SLC6A17: variants seen among roughly 807,000 people sequenced by gnomAD.
SLC6A17 encodes solute carrier family 6 member 17.
SLC6A17 carries 21 observed loss-of-function variants against 64.5 expected under a neutral mutation model. The observed-to-expected ratio is 0.33, with a 90% CI of 0.23 to 0.47. SLC6A17 has a LOEUF of 0.47. SLC6A17 is among the 20% of genes least tolerant of loss of function. The pLI, the probability that SLC6A17 is intolerant of heterozygous loss-of-function variation, is 1.00. For missense variants in SLC6A17, 682 were observed against 963.2 expected (o/e 0.71, Z 3.86); for synonymous variants, 372 against 399.5 (o/e 0.93, Z 0.82).
intron 6 of SLC6A17, among the ~76,000 whole-genome samples, chr1:110,183,761 G>A (rs550383859): frequency 6.6e-6 from 1 of 152,162 alleles, no homozygotes; most frequent in East Asian, 1.9e-4. Flanking sequence ...GCGCATGGAC[G>A]CTGGCAGGTG....
intron 2 of SLC6A17, among the ~76,000 whole-genome samples, chr1:110,169,367 G>A (rs1656156408): frequency 6.6e-6 from 1 of 152,168 alleles, no homozygotes; most frequent in African/African-American, 2.4e-5. Flanking sequence ...CAAAGCTTAT[G>A]AAATGGCCAT....
In SLC6A17 at chr1:110,192,151, C is replaced by G. The variant is rs755785427; in HGVS notation, c.1044C>G (p.Thr348=). The change falls in exon 7 of 12, where the codon ACC becomes ACG. Residue 348 remains threonine, a synonymous_variant. Transcript: ENST00000331565. This position sits in a 1 kb window ranked among gnomAD's most constrained non-coding sequence, Gnocchi z 4.3. ...FINFFTSVLA[T]LVVFAVLGFK... The stretch of plus-strand genomic sequence containing the variant: ...ACTTCTTCACGTCAGTGTTGGCCAC[C>G]CTCGTGGTGTTTGCTGTGCTGGGCT... 1.9e-5 allele frequency: 30 copies of G among 1,614,024 alleles called. No individual in the cohort carries two copies. The East Asian group carries it at 4.9e-4, about 26-fold the overall frequency.
In SLC6A17 at chr1:110,174,759, G is replaced by A. The variant is rs759916740; in HGVS notation, c.572-20G>A. The A allele has an allele frequency of 6.2e-7, 1 of 1,612,000 alleles. No individual in the cohort carries two copies. Among genetic ancestry groups the A allele is most frequent in the South Asian group, 1.1e-5 (1 of 90,728 alleles). On this transcript the variant is annotated intron_variant, in intron 4 of 11. Coordinates refer to ENST00000331565, the MANE Select transcript of SLC6A17 (RefSeq NM_001010898.4). ...ATAGGCCCTGCCACTGAGGCCCTGT[G>A]ACCTTTGCTGCTATTTCAGTGGTGG...
chr1:110,175,011 C>T lies in SLC6A17; in HGVS notation c.753+51C>T, dbSNP rs374410937. 48 of 1,571,880 alleles carry T rather than the reference C, an allele frequency of 3.1e-5. No homozygotes were observed. The East Asian group carries it at 6.5e-4, about 21-fold the overall frequency. ...ACCCAAATGGGGAACAGCAGAAAGG[C>T]ACAGAGGGCACAGGGCTAAGAATTC... On this transcript the variant is annotated intron_variant, in intron 5 of 11. Transcript: ENST00000331565.
At chr1:110,169,670 C>T (rs1159130591) in intron 2 of SLC6A17, among the ~76,000 whole-genome samples, 1 of 152,108 alleles carries the variant, frequency 6.6e-6, no homozygotes, top group African/African-American at 2.4e-5. Flanking sequence ...TGGATCCTGG[C>T]CCTGTCCTGA....
chr1:110,190,664 C>G lies in SLC6A17; in HGVS notation c.865-1308C>G, dbSNP rs1489641363. 8.5e-5 allele frequency among the ~76,000 whole-genome samples: 13 copies of G among 152,298 alleles called. No individual in the cohort carries two copies. In the East Asian group the frequency reaches 2.3e-3, roughly 27 times the overall value. ...TCAGAAGGGGCAGCCGGGCCAGGACCCACACAGGGCTTGTCACCACAGGGA... is the reference window on the plus strand; with the variant it reads ...TCAGAAGGGGCAGCCGGGCCAGGACGCACACAGGGCTTGTCACCACAGGGA... On this transcript the variant is annotated intron_variant, in intron 6 of 11. Transcript: ENST00000331565.
At chr1:110,196,935 G>A (rs932775752) in intron 10 of SLC6A17, among the ~76,000 whole-genome samples, 2 of 152,196 alleles carry the variant, frequency 1.3e-5, no homozygotes, top group Non-Finnish European at 2.9e-5. Context: ...TTTAGTTAGC[G>A]GTTATTGAGG....
rs187425437 is a variant in SLC6A17 at position 110,189,525 on chromosome 1, A to G, written c.865-2447A>G. The stretch of plus-strand genomic sequence containing the variant: ...AGCCGCTTCCTCGAAGGTCTGCTGA[A>G]TCCACTTATTTCTTTTGGAAATGCA... On this transcript the variant is annotated intron_variant, in intron 6 of 11. Coordinates refer to ENST00000331565, the MANE Select transcript of SLC6A17 (RefSeq NM_001010898.4). 5.3e-5 allele frequency among the ~76,000 whole-genome samples: 8 copies of G among 152,242 alleles called. No homozygotes were observed. In the East Asian group the frequency reaches 1.5e-3, roughly 29 times the overall value.
At chr1:110,153,593 T>C (rs982882515) in intron 1 of SLC6A17, among the ~76,000 whole-genome samples, 9 of 149,960 alleles carry the variant, frequency 6.0e-5, no homozygotes, top group African/African-American at 2.0e-4. Context: ...GCCCTCCCCA[T>C]TGGATCCAGG....
intron 1 of SLC6A17, among the ~76,000 whole-genome samples, chr1:110,158,093 T>A (rs1655809248): frequency 6.6e-6 from 1 of 152,218 alleles, no homozygotes; most frequent in Admixed American, 6.5e-5. Context: ...TGATTTCTAT[T>A]TGTCCCTCTG....
At chr1:110,182,453 T>C (rs892220790) in intron 6 of SLC6A17, among the ~76,000 whole-genome samples, 7 of 151,580 alleles carry the variant, frequency 4.6e-5, no homozygotes, top group African/African-American at 1.7e-4. Flanking sequence ...AGGTCTACAT[T>C]TGGGAGTGCG....
At position 110,192,446 on chromosome 1, in the gene SLC6A17, G is replaced by A. The variant is rs1656852413; in HGVS notation, c.1107-60G>A. On this transcript the variant is annotated intron_variant, in intron 7 of 11. Coordinates refer to ENST00000331565, the MANE Select transcript of SLC6A17 (RefSeq NM_001010898.4). This position sits in a 1 kb window ranked among gnomAD's most constrained non-coding sequence, Gnocchi z 4.3. ...CCTGGGTGCCTGGGAAGAGCCTCCA[G>A]GATCTCACCCATTGCCCACCCCTGC... 1 of 1,552,810 alleles carries A rather than the reference G, an allele frequency of 6.4e-7. No individual in the cohort carries two copies. Among genetic ancestry groups the A allele is most frequent in the Non-Finnish European group, 8.7e-7 (1 of 1,146,104 alleles).
intron 6 of SLC6A17, among the ~76,000 whole-genome samples, chr1:110,191,132 G>A (rs1262961298): frequency 6.6e-6 from 1 of 152,136 alleles, no homozygotes; most frequent in Non-Finnish European, 1.5e-5. Flanking sequence ...TTCTTCAGAT[G>A]AGTAATCTGA....
At chr1:110,193,065 T>C (rs890732315) in intron 8 of SLC6A17, among the ~76,000 whole-genome samples, 1 of 152,188 alleles carries the variant, frequency 6.6e-6, no homozygotes, top group East Asian at 1.9e-4. Flanking sequence ...TTGAAGTTAG[T>C]GTTTGCCCGT....
At position 110,201,641 on chromosome 1, in the gene SLC6A17, G is replaced by T. The variant is rs569452111; in HGVS notation, c.*3197G>T. On this transcript the variant is annotated 3_prime_UTR_variant, in exon 12 of 12. Transcript: ENST00000331565. ...GCTTCTGCCCTCCAGCAATACATGT[G>T]CAGGGGTTGCTGCTTTCCCAGTGCC... The T allele has an allele frequency of 2.6e-4, 40 of 152,466 alleles. No individual in the cohort carries two copies. Among genetic ancestry groups the T allele is most frequent in the African/African-American group, 9.4e-4 (39 of 41,562 alleles). 9.4% of individuals were successfully genotyped at this position (152,466 alleles called of 1,614,324 possible). A position where few individuals can be genotyped will look rare whatever the true frequency, so the allele number is the denominator to read the frequency against.
intron 1 of SLC6A17, among the ~76,000 whole-genome samples, chr1:110,161,547 A>G (rs1408859007): frequency 6.6e-6 from 1 of 151,978 alleles, no homozygotes; most frequent in East Asian, 1.9e-4. Flanking sequence ...CAGGGTAGGC[A>G]CTGTGGTGTC....
intron 3 of SLC6A17, 77 bp from the exon 4 acceptor site, chr1:110,173,896 C>CTCGG: frequency 6.6e-7 from 1 of 1,517,646 alleles, no homozygotes; most frequent in South Asian, 1.4e-5. Flanking sequence ...TGCCGACGTG[C>CTCGG]TGGGCCTCGG....
chr1:110,194,692 G>A lies in SLC6A17; in HGVS notation c.1413G>A (p.Leu471=). The change falls in exon 9 of 12, where the codon CTG becomes CTA. Residue 471 remains leucine, a synonymous_variant. Coordinates refer to ENST00000331565, the MANE Select transcript of SLC6A17 (RefSeq NM_001010898.4). ...TCTTGATGCTTATCAACCTGGGCCT[G>A]GGCAGCATGATCGGGACCATGGCAG... ...MFFLMLINLG[L]GSMIGTMAGI... The A allele has an allele frequency of 6.2e-7, 1 of 1,614,170 alleles. No homozygotes were observed. Among genetic ancestry groups the A allele is most frequent in the Non-Finnish European group, 8.5e-7 (1 of 1,180,036 alleles).
At chr1:110,163,945 C>A (rs1173827848) in intron 1 of SLC6A17, among the ~76,000 whole-genome samples, 5 of 152,126 alleles carry the variant, frequency 3.3e-5, no homozygotes, top group Admixed American at 2.0e-4. Flanking sequence ...GAGCCACCTG[C>A]CAGCTTGCTC....
Sources: allele counts gnomAD v4.1 joint callset (sites outside exome capture counted in the v4.1 genomes callset), GRCh38; gene constraint gnomAD v4.1.1; non-coding constraint Gnocchi (gnomAD v3.1); transcripts MANE v1.5; gene names NCBI Gene and HGNC (gene_info 2026-07-23, HGNC 2026-07-21).